The following ZDHHC14 variants were observed in gnomAD, a reference collection of about 807,000 sequenced individuals.
ZDHHC14 encodes zDHHC palmitoyltransferase 14.
Under a neutral mutation model 47.7 loss-of-function variants are expected in ZDHHC14, and 16 were observed. The observed-to-expected ratio is 0.34, with a 90% CI of 0.23 to 0.51. ZDHHC14 has a LOEUF of 0.51. Ranked by LOEUF, ZDHHC14 falls within the 20% of genes least tolerant of loss-of-function variation. The pLI is 0.97. For synonymous variants in ZDHHC14, 293 were observed against 278.9 expected, an observed-to-expected ratio of 1.05 and a Z score of -0.50; for missense variants, 515 against 662.5, an observed-to-expected ratio of 0.78 and a Z score of 2.44.
At chr6:157,393,518 A>G (rs910560014) in intron 1 of ZDHHC14, among the ~76,000 whole-genome samples, 4 of 152,240 alleles carry the variant, frequency 2.6e-5, no homozygotes, top group Non-Finnish European at 5.9e-5. Context: ...ACCAGCGTCT[A>G]TTGGAGATGT....
At chr6:157,424,301 T>C (rs1778172830) in intron 1 of ZDHHC14, among the ~76,000 whole-genome samples, 1 of 152,194 alleles carries the variant, frequency 6.6e-6, no homozygotes, top group Non-Finnish European at 1.5e-5. Flanking sequence ...AAATTTTGTT[T>C]TGCCTTCAGG....
rs1780212416 is a variant in ZDHHC14, at chr6:157,502,345, T to TGA, written c.246-40232_246-40231dup. Among the ~76,000 whole-genome samples, 1 of 152,190 alleles carries TGA rather than the reference T, an allele frequency of 6.6e-6. No individual in the cohort carries two copies. Among genetic ancestry groups the TGA allele is most frequent in the Admixed American group, 6.5e-5 (1 of 15,280 alleles). On this transcript the variant is annotated intron_variant, in intron 1 of 8. Coordinates refer to ENST00000359775, the MANE Select transcript of ZDHHC14 (RefSeq NM_024630.3). The surrounding 1 kb of genome is among the most constrained non-coding windows in gnomAD (Gnocchi z 4.0). The stretch of plus-strand genomic sequence containing the variant: ...GAGCCAAAAGTGTCCCCATACATGT[T>TGA]GAGAGAGAGTGGATGACAGAGCAGT...
chr6:157,576,849 C>T (rs111500629), intron 2 of ZDHHC14, among the ~76,000 whole-genome samples: 2,094 of 152,308 alleles, frequency 0.014, 59 homozygotes, highest in African/African-American at 0.047. Flanking sequence ...GTTCCGAATC[C>T]TTCGGTAAGG....
chr6:157,480,819 G>T (rs1779610080), intron 1 of ZDHHC14, among the ~76,000 whole-genome samples: 1 of 147,620 alleles, frequency 6.8e-6, no homozygotes, highest in Non-Finnish European at 1.5e-5. Context: ...GTTTGAACGG[G>T]CATCCTCAGC....
At chr6:157,592,368 A>AT (rs1222370184) in intron 2 of ZDHHC14, among the ~76,000 whole-genome samples, 2 of 152,144 alleles carry the variant, frequency 1.3e-5, no homozygotes, top group Non-Finnish European at 2.9e-5. Flanking sequence ...TTTAAAATGT[A>AT]TTTTTTACAA....
intron 1 of ZDHHC14, among the ~76,000 whole-genome samples, chr6:157,525,263 C>G (rs113376267): frequency 1.3e-5 from 2 of 152,118 alleles, no homozygotes; most frequent in African/African-American, 4.8e-5. Flanking sequence ...CTGTTTCAAG[C>G]GATCCTCCTG....
chr6:157,613,777 A>G (rs1784843606), intron 3 of ZDHHC14, among the ~76,000 whole-genome samples: 1 of 152,178 alleles, frequency 6.6e-6, no homozygotes, highest in African/African-American at 2.4e-5. Context: ...GCCTAGGAAT[A>G]GGCTTCGGGA....
intron 3 of ZDHHC14, among the ~76,000 whole-genome samples, chr6:157,620,206 C>T (rs1785132061): frequency 6.6e-6 from 1 of 152,106 alleles, no homozygotes; most frequent in African/African-American, 2.4e-5. Context: ...CTGATGAGGG[C>T]CTTCTTGCTG....
intron 8 of ZDHHC14, among the ~76,000 whole-genome samples, chr6:157,661,098 C>T (rs1298702902): frequency 6.6e-6 from 1 of 150,530 alleles, no homozygotes; most frequent in African/African-American, 2.5e-5. Context: ...ATGTGTGGGG[C>T]GAAACGTCCT....
chr6:157,505,274 G>T (rs1780298649), intron 1 of ZDHHC14, among the ~76,000 whole-genome samples: 1 of 152,212 alleles, frequency 6.6e-6, no homozygotes, highest in Non-Finnish European at 1.5e-5. Flanking sequence ...CTAATCTTTA[G>T]TTGGGTGGTA....
At chr6:157,484,635 C>T (rs1320288794) in intron 1 of ZDHHC14, among the ~76,000 whole-genome samples, 1 of 151,262 alleles carries the variant, frequency 6.6e-6, no homozygotes, top group Non-Finnish European at 1.5e-5. Flanking sequence ...AGAAATAATC[C>T]TTTCGGGCAA....
Position 157,542,567 on chromosome 6 carries a change from T to C in ZDHHC14, c.246-18T>C. The C allele has an allele frequency of 4.3e-6, 7 of 1,611,562 alleles. No homozygotes were observed. The highest frequency in any genetic ancestry group is 5.1e-6 in the Non-Finnish European group (6 of 1,178,384). On this transcript the variant is annotated intron_variant, in intron 1 of 8. Coordinates refer to ENST00000359775, the MANE Select transcript of ZDHHC14 (RefSeq NM_024630.3). ...CTTTCTTTTCCCCTTCTCTCCGGTC[T>C]GTCCAACCTGTCGGCAGCTGTCCGT...
intron 3 of ZDHHC14, among the ~76,000 whole-genome samples, chr6:157,617,164 T>C (rs1392264079): frequency 6.6e-6 from 1 of 152,214 alleles, no homozygotes; most frequent in East Asian, 1.9e-4. Flanking sequence ...CACTGCAGTA[T>C]GTATATCTTT....
At chr6:157,440,563 C>T (rs1308051119) in intron 1 of ZDHHC14, among the ~76,000 whole-genome samples, 2 of 152,116 alleles carry the variant, frequency 1.3e-5, no homozygotes, top group African/African-American at 2.4e-5. Flanking sequence ...TAGGAATATA[C>T]CCAAAACAAT....
intron 1 of ZDHHC14, among the ~76,000 whole-genome samples, chr6:157,523,884 G>A (rs189850635): frequency 5.9e-4 from 90 of 152,294 alleles, no homozygotes; most frequent in African/African-American, 2.1e-3. Context: ...CTGGGTGACA[G>A]CACAAGACCC....
intron 1 of ZDHHC14, among the ~76,000 whole-genome samples, chr6:157,493,645 G>A (rs1779983297): frequency 6.6e-6 from 1 of 152,274 alleles, no homozygotes; most frequent in Admixed American, 6.5e-5. Context: ...ATCAGGATGG[G>A]TGCTGTGTGG....
At chr6:157,386,559 CA>C (rs1343687234) in intron 1 of ZDHHC14, among the ~76,000 whole-genome samples, 1 of 152,128 alleles carries the variant, frequency 6.6e-6, no homozygotes, top group Non-Finnish European at 1.5e-5. Flanking sequence ...CTACTAGAAG[CA>C]ACCAGATGCA....
chr6:157,446,941 A>G (rs193239569), intron 1 of ZDHHC14, among the ~76,000 whole-genome samples: 193 of 152,010 alleles, frequency 1.3e-3, no homozygotes, highest in African/African-American at 4.4e-3. Flanking sequence ...CAACATGGTG[A>G]AACCCAGTCT....
intron 2 of ZDHHC14, among the ~76,000 whole-genome samples, chr6:157,552,051 G>A (rs1034751822): frequency 3.3e-5 from 5 of 152,156 alleles, no homozygotes; most frequent in South Asian, 2.1e-4. Context: ...TTATTTCGAC[G>A]GTTCCACTGC....
Sources: gnomAD v4.1 joint callset for allele counts (sites outside exome capture counted in the v4.1 genomes callset) on GRCh38, gnomAD v4.1.1 for gene constraint, Gnocchi (gnomAD v3.1) non-coding constraint, MANE v1.5 for transcripts, NCBI Gene and HGNC (gene_info 2026-07-23, HGNC 2026-07-21) for gene names.